ANK2: variants seen among roughly 807,000 people sequenced by gnomAD.
ANK2 encodes the protein ankyrin-2.
ANK2 carries 83 observed loss-of-function variants against 360.5 expected under a neutral mutation model. The observed-to-expected ratio is 0.23, with a 90% CI of 0.19 to 0.28. The LOEUF is 0.28. Ranked by LOEUF, ANK2 falls within the 10% of genes least tolerant of loss-of-function variation. ANK2 has a pLI of 1.00. For synonymous variants in ANK2, 1,740 were observed against 1,759.5 expected (o/e 0.99, Z 0.28); for missense variants, 4,201 against 4,795.7 (o/e 0.88, Z 3.66).
chr4:113,373,898 A>T (rs903784890), intron 45 of ANK2, among the ~76,000 whole-genome samples: 2 of 152,120 alleles, frequency 1.3e-5, no homozygotes, highest in African/African-American at 2.4e-5. Context: ...GAGTTACTAA[A>T]ATCAGGATCG....
chr4:113,242,021 C>T (rs1020565104), intron 8 of ANK2, 90 bp from the exon 9 acceptor site: 2 of 1,037,138 alleles, frequency 1.9e-6, no homozygotes, highest in Non-Finnish European at 3.0e-6. Flanking sequence ...CCACGTAGGT[C>T]ACAACTTCCT....
At chr4:113,051,933 G>T (rs2067234659) in intron 1 of ANK2, among the ~76,000 whole-genome samples, 1 of 152,086 alleles carries the variant, frequency 6.6e-6, no homozygotes, top group Admixed American at 6.6e-5. Flanking sequence ...TTTGTTTATT[G>T]CAATAAGCCT....
At chr4:113,210,628 A>G (rs768908244) in intron 4 of ANK2, among the ~76,000 whole-genome samples, 6 of 152,194 alleles carry the variant, frequency 3.9e-5, no homozygotes, top group Non-Finnish European at 7.4e-5. Flanking sequence ...CTGTGCTTCA[A>G]TTTGCTTATC....
intron 15 of ANK2, among the ~76,000 whole-genome samples, chr4:113,277,549 G>A (rs894900507): frequency 2.6e-5 from 4 of 152,120 alleles, no homozygotes; most frequent in African/African-American, 9.7e-5. Context: ...ATTGGAGCCA[G>A]TTTACTGACA....
the ANK2 span, among the ~76,000 whole-genome samples, chr4:112,742,335 G>T: frequency 6.6e-6 from 1 of 152,182 alleles, no homozygotes; most frequent in East Asian, 1.9e-4. Context: ...CTTGGGGAAG[G>T]CTTCACAGAG....
chr4:113,286,270 A>G (rs796785307), intron 18 of ANK2, among the ~76,000 whole-genome samples: 5 of 152,312 alleles, frequency 3.3e-5, no homozygotes, highest in African/African-American at 9.6e-5. Context: ...ATACATTAGG[A>G]TTAAATAATA....
intron 1 of ANK2, among the ~76,000 whole-genome samples, chr4:113,150,060 A>AGAAGGAGG (rs2154394980): frequency 6.6e-6 from 1 of 152,160 alleles, no homozygotes; most frequent in Admixed American, 6.5e-5. Flanking sequence ...AGGATGCCCA[A>AGAAGGAGG]GAAGGAGGGG....
At chr4:113,319,334 C>T (rs942398912) in intron 26 of ANK2, among the ~76,000 whole-genome samples, 21 of 151,736 alleles carry the variant, frequency 1.4e-4, no homozygotes, top group Non-Finnish European at 2.7e-4. Flanking sequence ...AATTGTAACA[C>T]TCTTCCAATT....
chr4:112,814,535 C>A (rs1421011008), upstream of ANK2, among the ~76,000 whole-genome samples: 1 of 152,108 alleles, frequency 6.6e-6, no homozygotes, highest in Non-Finnish European at 1.5e-5. Context: ...CAGCCTCAAC[C>A]TCCCTGGGCT....
In ANK2 at chr4:113,367,483, T is replaced by A. The variant is rs1223877205; in HGVS notation, c.11033-83T>A. 3.8e-6 allele frequency: 5 copies of A among 1,301,296 alleles called. No individual in the cohort carries two copies. The African/African-American group carries it at 6.0e-5, about 16-fold the overall frequency. 80.6% of individuals were successfully genotyped at this position (1,301,296 alleles called of 1,614,324 possible). A position where few individuals can be genotyped will look rare whatever the true frequency, so the allele number is the denominator to read the frequency against. On this transcript the variant is annotated intron_variant, in intron 41 of 45. Coordinates refer to ENST00000357077, the MANE Select transcript of ANK2 (RefSeq NM_001148.6). ...AGCACATTTATCTTCTTATTTTTTTTATCCTCTTATATTTATTACTTAATA... is the reference window on the plus strand; with the variant it reads ...AGCACATTTATCTTCTTATTTTTTTAATCCTCTTATATTTATTACTTAATA...
At chr4:113,254,309 G>A (rs72898102) in intron 10 of ANK2, among the ~76,000 whole-genome samples, 1,884 of 152,284 alleles carry the variant, frequency 0.012, 34 homozygotes, top group African/African-American at 0.043. Context: ...TTTCCTGTCT[G>A]TTGTGTTCCC....
intron 1 of ANK2, chr4:113,151,241 C>T: frequency 2.5e-6 from 2 of 793,170 alleles, no homozygotes; most frequent in Non-Finnish European, 3.5e-6. Context: ...GCACACATTA[C>T]TTGTTGTCGT....
chr4:113,037,065 C>T (rs1448804797), intron 2 of ANK2, among the ~76,000 whole-genome samples: 1 of 151,882 alleles, frequency 6.6e-6, no homozygotes. Context: ...TATAATAATA[C>T]AGCTCTTTGT....
At chr4:112,988,947 C>T (rs553043517) in intron 2 of ANK2, among the ~76,000 whole-genome samples, 30 of 152,220 alleles carry the variant, frequency 2.0e-4, no homozygotes, top group Admixed American at 1.4e-3. Context: ...CACAGATTTT[C>T]GGGGTGTTTC....
chr4:113,213,189 C>A (rs944872723), intron 4 of ANK2, among the ~76,000 whole-genome samples: 1 of 152,140 alleles, frequency 6.6e-6, no homozygotes, highest in African/African-American at 2.4e-5. Context: ...GAAGGTAATT[C>A]TAAGTCTGGA....
Position 113,350,544 on chromosome 4 carries a change from T to C in ANK2, c.4426+295T>C, listed in dbSNP as rs1015443576. ...GTTATGCTTGTTTAGAAACCCACCC[T>C]ACCGTTTTGTCCATTTGTTAGCAAA... On this transcript the variant is annotated intron_variant, in intron 37 of 45. Transcript: ENST00000357077. The C allele has an allele frequency of 9.4e-6, 3 of 319,142 alleles. 1 individual carries two copies. The highest frequency in any genetic ancestry group is 1.8e-5 in the Non-Finnish European group (3 of 170,572). The allele number at this position is 319,142 out of a possible 1,614,324, so 19.8% of individuals were successfully genotyped here.
At chr4:113,295,929 G>T (rs2071144653) in intron 22 of ANK2, among the ~76,000 whole-genome samples, 1 of 151,980 alleles carries the variant, frequency 6.6e-6, no homozygotes, top group Admixed American at 6.6e-5. Context: ...CATCTATTCT[G>T]GGAGTCTTCT....
chr4:113,146,744 C>T (rs1562402516), intron 1 of ANK2, among the ~76,000 whole-genome samples: 1 of 150,460 alleles, frequency 6.6e-6, no homozygotes, highest in Non-Finnish European at 1.5e-5. Flanking sequence ...TAAAGTTTAT[C>T]TTTTATCTGT....
chr4:112,833,825 A>C (rs57267098), intron 1 of ANK2, among the ~76,000 whole-genome samples: 3,230 of 152,328 alleles, frequency 0.021, 114 homozygotes, highest in African/African-American at 0.074. Flanking sequence ...GTTTTAAAAT[A>C]CATAATAGAC....
Sources: gnomAD v4.1 joint callset for allele counts (sites outside exome capture counted in the v4.1 genomes callset) on GRCh38, gnomAD v4.1.1 for gene constraint, MANE v1.5 for transcripts, NCBI Gene and HGNC (gene_info 2026-07-23, HGNC 2026-07-21) for gene names.